MDN1: variants seen among roughly 807,000 people sequenced by gnomAD.
MDN1 encodes midasin AAA ATPase 1.
In MDN1, 266 loss-of-function variants were observed where a neutral mutation model predicts 669.2. The observed-to-expected ratio is 0.40, with a 90% CI of 0.36 to 0.44. The LOEUF (loss-of-function observed/expected upper bound fraction) is 0.44. MDN1 is among the 20% of genes least tolerant of loss of function. MDN1 has a pLI of 1.00. For missense variants in MDN1, 5,940 were observed against 6,754.0 expected (o/e 0.88, Z 4.22); for synonymous variants, 2,385 against 2,457.1 (o/e 0.97, Z 0.87).
chr6:89,779,637 AT>A (rs1490474450), intron 11 of MDN1, among the ~76,000 whole-genome samples: 1 of 152,194 alleles, frequency 6.6e-6, no homozygotes, highest in Non-Finnish European at 1.5e-5. Flanking sequence ...TTTACCTTTA[AT>A]TTCACTACCT....
intron 31 of MDN1, among the ~76,000 whole-genome samples, chr6:89,742,931 C>T (rs1296932974): frequency 6.6e-6 from 1 of 152,028 alleles, no homozygotes; most frequent in Non-Finnish European, 1.5e-5. Context: ...CAAGCATTTA[C>T]TAAGGTGCAC....
intron 37 of MDN1, among the ~76,000 whole-genome samples, chr6:89,727,175 C>A (rs775597980): frequency 6.6e-6 from 1 of 152,178 alleles, no homozygotes; most frequent in Non-Finnish European, 1.5e-5. Context: ...TCCCACAGCA[C>A]CCTCTCTGAT....
intron 22 of MDN1, among the ~76,000 whole-genome samples, chr6:89,753,280 T>C (rs1049903108): frequency 3.9e-5 from 6 of 152,168 alleles, no homozygotes; most frequent in African/African-American, 1.4e-4. Flanking sequence ...AAATAAAATA[T>C]ATACATTATA....
chr6:89,764,621 T>C (rs1817709763), intron 15 of MDN1, among the ~76,000 whole-genome samples: 1 of 152,062 alleles, frequency 6.6e-6, no homozygotes, highest in Non-Finnish European at 1.5e-5. Context: ...AGTATCACAG[T>C]CAGGAAAGGC....
chr6:89,679,976 T>C (rs976629951), intron 74 of MDN1, among the ~76,000 whole-genome samples: 1 of 152,148 alleles, frequency 6.6e-6, no homozygotes, highest in Non-Finnish European at 1.5e-5. Context: ...CTCCCTGAGA[T>C]TAGATGCAAC....
At position 89,699,637 on chromosome 6, in the gene MDN1, C is replaced by CTCTTGAGGTGT; in HGVS notation, c.8950_8960dup (p.Leu2988HisfsTer42). On this transcript the variant is annotated frameshift_variant, in exon 58 of 102. Transcript: ENST00000369393. LOFTEE classifies it high-confidence loss of function. Reference sequence around the variant, plus strand: ...GCAGCAAGGACCACAGATCTCGAAGCTCTTGAGGTGTAACAGGTGTGTGAT... The same window carrying CTCTTGAGGTGT: ...GCAGCAAGGACCACAGATCTCGAAGCTCTTGAGGTGTTCTTGAGGTGTAACAGGTGTGTGAT... 1.2e-6 allele frequency: 2 copies of CTCTTGAGGTGT among 1,613,968 alleles called. No individual in the cohort carries two copies. Among genetic ancestry groups the CTCTTGAGGTGT allele is most frequent in the Non-Finnish European group, 1.7e-6 (2 of 1,179,960 alleles).
At chr6:89,686,445 T>C (rs1562088700) in intron 69 of MDN1, among the ~76,000 whole-genome samples, 1 of 151,700 alleles carries the variant, frequency 6.6e-6, no homozygotes, top group African/African-American at 2.4e-5. Flanking sequence ...AAAAAACAAA[T>C]ATAAATAAAT....
At position 89,702,069 on chromosome 6, in the gene MDN1, C is replaced by A; in HGVS notation, c.8149-8G>T. 6.3e-7 allele frequency: 1 copy of A among 1,583,110 alleles called. No individual in the cohort carries two copies. The highest frequency in any genetic ancestry group is 8.6e-7 in the Non-Finnish European group (1 of 1,168,740). Reference sequence around the variant, plus strand: ...CCGCAGAGAACCTAAGATCTAAAAACAAAGTCTCTTAGATAAGATGGCATG... The same window carrying A: ...CCGCAGAGAACCTAAGATCTAAAAAAAAAGTCTCTTAGATAAGATGGCATG... On this transcript the variant is annotated splice_polypyrimidine_tract_variant and splice_region_variant and intron_variant, in intron 53 of 101. Coordinates refer to ENST00000369393, the MANE Select transcript of MDN1 (RefSeq NM_014611.3).
chr6:89,686,428 A>C (rs1584187643), intron 69 of MDN1, among the ~76,000 whole-genome samples: 1 of 152,120 alleles, frequency 6.6e-6, no homozygotes, highest in South Asian at 2.1e-4. Flanking sequence ...CTGTCTCAAA[A>C]AAAAATAAAA....
chr6:89,723,471 C>T (rs767676974), intron 39 of MDN1, 41 bp downstream of exon 39: 1 of 1,214,586 alleles, frequency 8.2e-7, no homozygotes, highest in Non-Finnish European at 1.2e-6. Flanking sequence ...GGTTCAAATA[C>T]AGCCAGAAAA....
intron 7 of MDN1, among the ~76,000 whole-genome samples, chr6:89,788,512 A>G (rs537008504): frequency 6.6e-6 from 1 of 152,188 alleles, no homozygotes; most frequent in Admixed American, 6.5e-5. Flanking sequence ...GCCATGGCAC[A>G]AGAATTCTGT....
chr6:89,808,964 C>T (rs1269217359), intron 1 of MDN1, among the ~76,000 whole-genome samples: 1 of 152,054 alleles, frequency 6.6e-6, no homozygotes, highest in African/African-American at 2.4e-5. Context: ...TGCCTGTAAT[C>T]CCAGCACTTT....
intron 70 of MDN1, 63 bp from the exon 71 acceptor site, chr6:89,685,048 G>T: frequency 9.0e-7 from 1 of 1,113,460 alleles, no homozygotes; most frequent in South Asian, 1.4e-5. Flanking sequence ...GGTGCCAGCT[G>T]TGGCCTTCAT....
At chr6:89,723,376 C>A (rs1380925385) in intron 39 of MDN1, 136 bp downstream of exon 39, 4 of 676,294 alleles carry the variant, frequency 5.9e-6, no homozygotes, top group Non-Finnish European at 9.6e-6. Flanking sequence ...AGTGTCCCTT[C>A]CACTAGAAAC....
rs1160783173 is a variant in MDN1 at position 89,743,241 on chromosome 6, C to G, written c.4357G>C (p.Gly1453Arg). 6.2e-7 allele frequency: 1 copy of G among 1,614,102 alleles called. No individual in the cohort carries two copies. The highest frequency in any genetic ancestry group is 1.7e-5 in the Admixed American group (1 of 60,030). ...TCCTTCATGGCCTGAACCAGAGGCCCATCATGCCACTCAAAGAGTCTTGAT... is the reference window on the plus strand; with the variant it reads ...TCCTTCATGGCCTGAACCAGAGGCCGATCATGCCACTCAAAGAGTCTTGAT... ...DTSRLFEWHD[G>R]PLVQAMKEDG... The change falls in exon 31 of 102, where the codon GGG becomes CGG. Residue 1453 changes from glycine to arginine, a missense_variant. This residue lies in a region of MDN1 where 2,292 missense variants were observed against 2,638.3 expected (regional missense o/e 0.87). Transcript: ENST00000369393.
At chr6:89,670,325 C>T (rs561360786) in intron 83 of MDN1, among the ~76,000 whole-genome samples, 2 of 150,702 alleles carry the variant, frequency 1.3e-5, no homozygotes, top group East Asian at 2.0e-4. Context: ...CAGGCACATG[C>T]CACCACGCCC....
At position 89,718,998 on chromosome 6, in the gene MDN1, A is replaced by G; in HGVS notation, c.6090T>C (p.Cys2030=). 6.2e-7 allele frequency: 1 copy of G among 1,614,196 alleles called. No individual in the cohort carries two copies. The highest frequency in any genetic ancestry group is 8.5e-7 in the Non-Finnish European group (1 of 1,180,028). ...GGGGATGGCGGGACGGGTGAGGAACACAGCTCCCACGGGAAAGGACTGAGT... is the reference window on the plus strand; with the variant it reads ...GGGGATGGCGGGACGGGTGAGGAACGCAGCTCCCACGGGAAAGGACTGAGT... ...LGYSVLSRGS[C]VPHPSRHPLL... The change falls in exon 42 of 102, where the codon TGT becomes TGC. Residue 2030 remains cysteine (C), a synonymous_variant. Coordinates refer to ENST00000369393, the MANE Select transcript of MDN1 (RefSeq NM_014611.3).
rs9359860 is a variant in MDN1 at position 89,728,235 on chromosome 6, A to T, written c.5350-280T>A. Among the ~76,000 whole-genome samples, 27,245 of 149,718 alleles carry T rather than the reference A, an allele frequency of 0.18. 2,492 individuals carry two copies. Among genetic ancestry groups the T allele is most frequent in the East Asian group, 0.22 (1,139 of 5,110 alleles). ...TACTTGGAATTTAATTGACAGGCTTAAAAAAAAAAGAAAACAAAATCCTAT... is the reference window on the plus strand; with the variant it reads ...TACTTGGAATTTAATTGACAGGCTTTAAAAAAAAAGAAAACAAAATCCTAT... On this transcript the variant is annotated intron_variant, in intron 36 of 101. Coordinates refer to ENST00000369393, the MANE Select transcript of MDN1 (RefSeq NM_014611.3).
intron 59 of MDN1, among the ~76,000 whole-genome samples, chr6:89,697,215 A>G (rs924768312): frequency 7.9e-5 from 12 of 152,230 alleles, no homozygotes; most frequent in Non-Finnish European, 1.2e-4. Flanking sequence ...AGTCAAAATG[A>G]TGTTATTACA....
Sources: allele counts gnomAD v4.1 joint callset (sites outside exome capture counted in the v4.1 genomes callset), GRCh38; gene constraint gnomAD v4.1.1; regional missense constraint gnomAD v4.1.1; transcripts MANE v1.5; gene names NCBI Gene and HGNC (gene_info 2026-07-23, HGNC 2026-07-21).